PIK3CA: variants seen among roughly 807,000 people sequenced by gnomAD.
PIK3CA encodes phosphatidylinositol-4,5-bisphosphate 3-kinase catalytic subunit alpha.
PIK3CA carries 27 observed loss-of-function variants against 138.2 expected under a neutral mutation model. That is an observed-to-expected ratio of 0.20 (90% CI 0.14 to 0.27). The LOEUF (loss-of-function observed/expected upper bound fraction) is 0.27. Among genes scored for constraint, PIK3CA ranks in the 10% least tolerant of loss-of-function variants. The pLI, the probability that PIK3CA is intolerant of heterozygous loss-of-function variation, is 1.00. For missense variants in PIK3CA, 544 were observed against 1,277.4 expected (o/e 0.43, Z 8.75); for synonymous variants, 358 against 413.2 (o/e 0.87, Z 1.62).
At chr3:179,205,642 A>C (rs918095930) in intron 6 of PIK3CA, among the ~76,000 whole-genome samples, 4 of 152,212 alleles carry the variant, frequency 2.6e-5, no homozygotes, top group African/African-American at 9.7e-5. Flanking sequence ...GTTATGGGGA[A>C]CATTTTAAAT....
Position 179,230,470 on chromosome 3 carries a change from G to T in PIK3CA, c.2936+94G>T, listed in dbSNP as rs1279396141. 3 of 1,111,678 alleles carry T rather than the reference G, an allele frequency of 2.7e-6. No individual in the cohort carries two copies. The African/African-American group carries it at 4.8e-5, about 18-fold the overall frequency. 68.9% of individuals were successfully genotyped at this position (1,111,678 alleles called of 1,614,324 possible). ...TTCAAGCAATTTCAAAATAATAAAT[G>T]TTGGCTGGGTGTGGTGGTTCATGCC... On this transcript the variant is annotated intron_variant, in intron 20 of 20. Transcript: ENST00000263967. The surrounding 1 kb of genome is among the most constrained non-coding windows in gnomAD (Gnocchi z 5.4).
At chr3:179,212,614 A>AAAACAAG (rs1329322961) in intron 9 of PIK3CA, among the ~76,000 whole-genome samples, 1 of 151,654 alleles carries the variant, frequency 6.6e-6, no homozygotes, top group Non-Finnish European at 1.5e-5. Flanking sequence ...AAAAAAACAA[A>AAAACAAG]AAACAAGAGA....
intron 6 of PIK3CA, among the ~76,000 whole-genome samples, chr3:179,205,865 C>T (rs1724546445): frequency 6.6e-6 from 1 of 152,130 alleles, no homozygotes; most frequent in African/African-American, 2.4e-5. Context: ...AAGTAAATCT[C>T]ATAATGAATT....
chr3:179,156,709 C>G (rs1723147291), intron 1 of PIK3CA, among the ~76,000 whole-genome samples: 1 of 152,162 alleles, frequency 6.6e-6, no homozygotes, highest in South Asian at 2.1e-4. Context: ...AACCAGCACA[C>G]TGCTCAGGTA....
intron 3 of PIK3CA, 139 bp downstream of exon 3, chr3:179,200,038 A>T (rs1724372536): frequency 1.9e-6 from 1 of 514,274 alleles, no homozygotes; most frequent in Non-Finnish European, 3.4e-6. Context: ...TACTGACAAG[A>T]TATAGTTGAG....
rs1725028549 is a variant in PIK3CA at position 179,224,149 on chromosome 3, G to T, written c.2256G>T (p.Leu752=). 6.2e-7 allele frequency: 1 copy of T among 1,600,326 alleles called. No individual in the cohort carries two copies. The highest frequency in any genetic ancestry group is 1.3e-5 in the African/African-American group (1 of 74,642). ...PDFMDALQGF[L]SPLNPAHQLG... ...TCATGGATGCTCTACAGGGCTTTCT[G>T]TCTCCTCTAAACCCTGCTCATCAAC... The change falls in exon 15 of 21, where the codon CTG becomes CTT. Residue 752 remains leucine, a synonymous_variant. Coordinates refer to ENST00000263967, the MANE Select transcript of PIK3CA (RefSeq NM_006218.4).
At chr3:179,201,250 AAG>A (rs758698734) in intron 3 of PIK3CA, 38 bp from the exon 4 acceptor site, 10 of 1,546,486 alleles carry the variant, frequency 6.5e-6, no homozygotes, top group Middle Eastern at 1.8e-4. Context: ...TGAAAAATGA[AAG>A]AGAGATGGTG....
intron 1 of PIK3CA, chr3:179,149,385 C>T (rs1256830360): frequency 6.6e-6 from 1 of 152,036 alleles, no homozygotes; most frequent in African/African-American, 2.4e-5. Flanking sequence ...GTGTTTTTGA[C>T]CTCGGCTCGA....
At chr3:179,149,701 C>CCCTTAGA (rs1382098310) in intron 1 of PIK3CA, 1 of 152,124 alleles carries the variant, frequency 6.6e-6, no homozygotes, top group Non-Finnish European at 1.5e-5. Context: ...CGGGGAGAAC[C>CCCTTAGA]CCTTAGAATA....
intron 9 of PIK3CA, among the ~76,000 whole-genome samples, chr3:179,211,622 A>C (rs1336518983): frequency 6.6e-6 from 1 of 152,132 alleles, no homozygotes. Context: ...AGCCGAGGTC[A>C]CGCCATTGCA....
intron 1 of PIK3CA, among the ~76,000 whole-genome samples, chr3:179,181,447 C>T (rs1723844238): frequency 6.6e-6 from 1 of 151,984 alleles, no homozygotes; most frequent in African/African-American, 2.4e-5. Context: ...TGGGTAAGAA[C>T]ACTAGTATTA....
chr3:179,150,197 GTGTGTT>G (rs1397109683), intron 1 of PIK3CA, among the ~76,000 whole-genome samples: 5 of 151,620 alleles, frequency 3.3e-5, no homozygotes, highest in Non-Finnish European at 7.4e-5. Context: ...GTGTGTGTGT[GTGTGTT>G]GGTATTTTGC....
intron 1 of PIK3CA, among the ~76,000 whole-genome samples, chr3:179,192,308 G>A (rs1340454254): frequency 2.6e-5 from 4 of 152,326 alleles, no homozygotes; most frequent in South Asian, 4.1e-4. Flanking sequence ...AGAGAAAGTG[G>A]AACTGAGGGA....
rs1362824165 is a variant in PIK3CA, at chr3:179,235,252, T to C, written c.*888T>C. On this transcript the variant is annotated 3_prime_UTR_variant, in exon 21 of 21. Transcript: ENST00000263967. Reference sequence around the variant, plus strand: ...AACTGAATACATTTTTCATGCATGTTTTCCAGAAAATAGAAGTATTAATGT... The same window carrying C: ...AACTGAATACATTTTTCATGCATGTCTTCCAGAAAATAGAAGTATTAATGT... 5.5e-6 allele frequency: 1 copy of C among 181,836 alleles called. No homozygotes were observed. The highest frequency in any genetic ancestry group is 1.2e-5 in the Non-Finnish European group (1 of 85,386). The allele number at this position is 181,836 out of a possible 1,614,324, so 11.3% of individuals were successfully genotyped here.
chr3:179,163,640 C>A (rs778366187), intron 1 of PIK3CA, among the ~76,000 whole-genome samples: 60 of 152,084 alleles, frequency 3.9e-4, no homozygotes, highest in Non-Finnish European at 7.9e-4. Context: ...CAAATACTTT[C>A]AAAAGCACCA....
intron 17 of PIK3CA, 68 bp downstream of exon 17, chr3:179,226,108 A>G: frequency 2.4e-6 from 2 of 825,488 alleles, no homozygotes; most frequent in East Asian, 2.5e-5. Flanking sequence ...TAATAATTAT[A>G]GAAGCATATA....
chr3:179,228,388 T>G (rs1045620812), intron 17 of PIK3CA, among the ~76,000 whole-genome samples: 1 of 152,032 alleles, frequency 6.6e-6, no homozygotes, highest in Non-Finnish European at 1.5e-5. Context: ...GAAAGACAAA[T>G]TGATTTTAAT....
At chr3:179,177,507 T>G (rs1723728160) in intron 1 of PIK3CA, among the ~76,000 whole-genome samples, 1 of 152,016 alleles carries the variant, frequency 6.6e-6, no homozygotes, top group Non-Finnish European at 1.5e-5. Context: ...GAGATGGGGT[T>G]TCATCATGTT....
chr3:179,227,307 C>CT (rs1040383937), intron 17 of PIK3CA, among the ~76,000 whole-genome samples: 9 of 151,616 alleles, frequency 5.9e-5, no homozygotes, highest in African/African-American at 2.2e-4. Flanking sequence ...AACCCTGCTT[C>CT]TTTTTTTTAA....
Sources: gnomAD v4.1 joint callset for allele counts (sites outside exome capture counted in the v4.1 genomes callset) on GRCh38, gnomAD v4.1.1 for gene constraint, Gnocchi (gnomAD v3.1) non-coding constraint, MANE v1.5 for transcripts, NCBI Gene and HGNC (gene_info 2026-07-23, HGNC 2026-07-21) for gene names.